The following KCNA7 variants were observed in gnomAD, a reference collection of about 807,000 sequenced individuals.
KCNA7 encodes potassium channel, voltage gated shaker related subfamily A, member 7.
Under a neutral mutation model 21.5 loss-of-function variants are expected in KCNA7, and 15 were observed. That is an observed-to-expected ratio of 0.70 (90% CI 0.47 to 1.07). KCNA7 has a LOEUF of 1.07. Among genes scored for constraint, KCNA7 ranks in the 50% least tolerant of loss-of-function variants. The pLI, the probability that KCNA7 is intolerant of heterozygous loss-of-function variation, is 0.00. For synonymous variants in KCNA7, 298 were observed against 291.0 expected, an observed-to-expected ratio of 1.02 and a Z score of -0.24; for missense variants, 640 against 651.6, an observed-to-expected ratio of 0.98 and a Z score of 0.19.
At position 49,072,667 on chromosome 19, in the gene KCNA7, GGCCGCC is replaced by G. The variant is rs566342074; in HGVS notation, c.-88_-83del. The G allele has an allele frequency of 3.4e-5, 31 of 915,184 alleles. 1 individual carries two copies. The highest frequency in any genetic ancestry group is 3.5e-5 in the Non-Finnish European group (27 of 766,846). The allele number at this position is 915,184 out of a possible 1,614,324, so 56.7% of individuals were successfully genotyped here. On this transcript the variant is annotated 5_prime_UTR_variant, in exon 1 of 2. Transcript: ENST00000221444. ...GGTGCGGCCCCGCCTCGGCCGCCTC[GGCCGCC>G]GCCGCCGCCGCCCCAGCCCGGTGTC...
intron 1 of KCNA7, 100 bp downstream of exon 1, chr19:49,071,931 C>G: frequency 8.7e-7 from 1 of 1,153,830 alleles, no homozygotes; most frequent in Non-Finnish European, 1.2e-6. Context: ...GCCCACCCCT[C>G]GCAGCCCCTG....
intron 1 of KCNA7, 30 bp downstream of exon 1, chr19:49,072,001 G>T: frequency 1.2e-5 from 16 of 1,316,130 alleles, no homozygotes; most frequent in Non-Finnish European, 1.6e-5. Context: ...CCCAAACCCC[G>T]CCCGTCTCCA....
In KCNA7 at chr19:49,072,057, G is replaced by T. The variant is rs750629552; in HGVS notation, c.529C>A (p.Leu177Ile). Residue 177 changes from leucine (L) to isoleucine (I), a missense_variant, in exon 1 of 2, where the codon CTT becomes ATT. Coordinates refer to ENST00000221444, the MANE Select transcript of KCNA7 (RefSeq NM_031886.3). ...GGGCCGGCTGCGGCTGCAGCAGCAAGCCCCGTGCCGTCGCGGTCGTCGCGG... is the reference window on the plus strand; with the variant it reads ...GGGCCGGCTGCGGCTGCAGCAGCAATCCCCGTGCCGTCGCGGTCGTCGCGG... ...DFRDDRDGTG[L>I]AAAAAAGPFP... The T allele has an allele frequency of 3.1e-6, 5 of 1,607,358 alleles. No homozygotes were observed. Among genetic ancestry groups the T allele is most frequent in the South Asian group, 2.2e-5 (2 of 90,676 alleles).
chr19:49,071,276 G>T (rs1344301315), intron 1 of KCNA7, among the ~76,000 whole-genome samples: 1 of 152,052 alleles, frequency 6.6e-6, no homozygotes, highest in Non-Finnish European at 1.5e-5. Context: ...AGTATAATGC[G>T]GCTGGGCGCG....
rs2040227719 is a variant in KCNA7 at position 49,067,842 on chromosome 19, A to G, written c.*2221T>C. On this transcript the variant is annotated 3_prime_UTR_variant, in exon 2 of 2. Coordinates refer to ENST00000221444, the MANE Select transcript of KCNA7 (RefSeq NM_031886.3). ...TCAGGATTGTTCTGTGATTCTATGGAATAGACTGTACATCACTCTTGGGTT... is the reference window on the plus strand; with the variant it reads ...TCAGGATTGTTCTGTGATTCTATGGGATAGACTGTACATCACTCTTGGGTT... 1 of 152,192 alleles carries G rather than the reference A, an allele frequency of 6.6e-6. No individual in the cohort carries two copies. The highest frequency in any genetic ancestry group is 2.4e-5 in the African/African-American group (1 of 41,394). The allele number at this position is 152,192 out of a possible 1,614,324, so 9.4% of individuals were successfully genotyped here. A position where few individuals can be genotyped will look rare whatever the true frequency, so the allele number is the denominator to read the frequency against.
At position 49,070,206 on chromosome 19, in the gene KCNA7, C is replaced by T. The variant is rs1164877887; in HGVS notation, c.1228G>A (p.Ala410Thr). The T allele has an allele frequency of 6.2e-7, 1 of 1,614,214 alleles. No individual in the cohort carries two copies. Among genetic ancestry groups the T allele is most frequent in the Non-Finnish European group, 8.5e-7 (1 of 1,180,050 alleles). Reference sequence around the variant, plus strand: ...ATGTCCACATGGCTGAACATCCCAGCCTCTTCGCCCTCTGTCTCCCGGTGA... The same window carrying T: ...ATGTCCACATGGCTGAACATCCCAGTCTCTTCGCCCTCTGTCTCCCGGTGA... Reference protein sequence around the residue: ...FYHRETEGEEAGMFSHVDMQP... With the variant: ...FYHRETEGEETGMFSHVDMQP... Residue 410 changes from alanine (A) to threonine (T), a missense_variant, in exon 2 of 2, where the codon GCT becomes ACT. By Grantham distance (58) the Ala-to-Thr change is moderately conservative. Coordinates refer to ENST00000221444, the MANE Select transcript of KCNA7 (RefSeq NM_031886.3). The surrounding 1 kb of genome is among the most constrained non-coding windows in gnomAD (Gnocchi z 4.3).
rs1253127104 is a variant in KCNA7 at position 49,070,048 on chromosome 19, G to C, written c.*15C>G. ...CTCTAGGGAGGTGTGAGGTCCTGCA[G>C]ACCTCAACTGTTCCTCACACTTCGG... On this transcript the variant is annotated 3_prime_UTR_variant, in exon 2 of 2. Transcript: ENST00000221444. This position sits in a 1 kb window ranked among gnomAD's most constrained non-coding sequence, Gnocchi z 4.3. The C allele has an allele frequency of 6.3e-7, 1 of 1,580,434 alleles. No homozygotes were observed. Among genetic ancestry groups the C allele is most frequent in the Non-Finnish European group, 8.6e-7 (1 of 1,158,684 alleles).
In KCNA7 at chr19:49,067,399, T is replaced by C. The variant is rs2040224723; in HGVS notation, c.*2664A>G. The C allele has an allele frequency of 6.6e-6, 1 of 152,244 alleles. No homozygotes were observed. Among genetic ancestry groups the C allele is most frequent in the South Asian group, 2.1e-4 (1 of 4,834 alleles). The allele number at this position is 152,244 out of a possible 1,614,324, so 9.4% of individuals were successfully genotyped here. A position where few individuals can be genotyped will look rare whatever the true frequency, so the allele number is the denominator to read the frequency against. ...GGCTAAAAATAACAACAACAGTCTG[T>C]AAACCACTGGATAGGTTTTAATAAA... On this transcript the variant is annotated 3_prime_UTR_variant, in exon 2 of 2. Transcript: ENST00000221444.
rs777013850 is a variant in KCNA7, at chr19:49,072,538, C to T, written c.48G>A (p.Val16=). 7.1e-7 allele frequency: 1 copy of T among 1,418,276 alleles called. No individual in the cohort carries two copies. The highest frequency in any genetic ancestry group is 9.2e-7 in the Non-Finnish European group (1 of 1,092,888). 87.9% of individuals were successfully genotyped at this position (1,418,276 alleles called of 1,614,324 possible). The change falls in exon 1 of 2, where the codon GTG becomes GTA. Residue 16 remains valine, a synonymous_variant. Coordinates refer to ENST00000221444, the MANE Select transcript of KCNA7 (RefSeq NM_031886.3). ...CGAAGCGCAGCCCGGCCACGTTGAG[C>T]ACCAGCCGCTCGCAGCAGCCGCACG... ...PPPCGCCERL[V]LNVAGLRFET...
In KCNA7 at chr19:49,072,361, A is replaced by G. The variant is rs71352730; in HGVS notation, c.225T>C (p.Gly75=). The G allele has an allele frequency of 0.11, 167,732 of 1,592,674 alleles. 10,085 individuals carry two copies. Among genetic ancestry groups the G allele is most frequent in the African/African-American group, 0.26 (18,837 of 72,982 alleles). The stretch of plus-strand genomic sequence containing the variant: ...CGTGCGCCGGCCGCCGCAGCCGCCC[A>G]CCGGACTGGTAGTAGTAGAGCACGG... ...FDAVLYYYQS[G]GRLRRPAHVP... is the part of the protein sequence containing the mutation. The change falls in exon 1 of 2, where the codon GGT becomes GGC. Residue 75 remains glycine, a synonymous_variant. Coordinates refer to ENST00000221444, the MANE Select transcript of KCNA7 (RefSeq NM_031886.3).
Position 49,069,540 on chromosome 19 carries a change from C to T in KCNA7, c.*523G>A, listed in dbSNP as rs999413664. ...TAAAATAACATGCCCCTGGAAGAAT[C>T]ACAGAGCTACACAATTTCCACCATG... is the stretch of plus-strand genomic sequence containing the variant. On this transcript the variant is annotated 3_prime_UTR_variant, in exon 2 of 2. Coordinates refer to ENST00000221444, the MANE Select transcript of KCNA7 (RefSeq NM_031886.3). 6.5e-6 allele frequency: 1 copy of T among 153,588 alleles called. No homozygotes were observed. The highest frequency in any genetic ancestry group is 2.4e-5 in the African/African-American group (1 of 41,446). The allele number at this position is 153,588 out of a possible 1,614,324, so 9.5% of individuals were successfully genotyped here. A position where few individuals can be genotyped will look rare whatever the true frequency, so the allele number is the denominator to read the frequency against.
chr19:49,070,095 G>A lies in KCNA7; in HGVS notation c.1339C>T (p.Pro447Ser), dbSNP rs1288515625. The A allele has an allele frequency of 4.4e-6, 7 of 1,606,652 alleles. No homozygotes were observed. The highest frequency in any genetic ancestry group is 5.9e-6 in the Non-Finnish European group (7 of 1,177,366). Residue 447 changes from proline to serine, a missense_variant, in exon 2 of 2, where the codon CCC becomes TCC. By Grantham distance (74) the Pro-to-Ser change is moderately conservative. Transcript: ENST00000221444. The surrounding 1 kb of genome is among the most constrained non-coding windows in gnomAD (Gnocchi z 4.3). The part of the protein sequence containing the change: ...VPELPPPLWA[P>S]PGKHLVTEV ...TCGGTGACCAGGTGTTTCCCTGGGG[G>A]TGCCCAGAGTGGAGGTGGTAGCTCA...
Position 49,069,236 on chromosome 19 carries a change from A to T in KCNA7, c.*827T>A, listed in dbSNP as rs1384128735. ...CCTGTAGGACTCACATAGTGACACA[A>T]CTCAATGGAACTCAATTCAGCATGG... is the stretch of plus-strand genomic sequence containing the variant. On this transcript the variant is annotated 3_prime_UTR_variant, in exon 2 of 2. Transcript: ENST00000221444. 1 of 152,160 alleles carries T rather than the reference A, an allele frequency of 6.6e-6. No homozygotes were observed. Among genetic ancestry groups the T allele is most frequent in the African/African-American group, 2.4e-5 (1 of 41,412 alleles). 9.4% of individuals were successfully genotyped at this position (152,160 alleles called of 1,614,324 possible).
rs1239018197 is a variant in KCNA7 at position 49,070,182 on chromosome 19, T to C, written c.1252A>G (p.Met418Val). 1 of 1,614,064 alleles carries C rather than the reference T, an allele frequency of 6.2e-7. No individual in the cohort carries two copies. Among genetic ancestry groups the C allele is most frequent in the Admixed American group, 1.7e-5 (1 of 60,000 alleles). Reference sequence around the variant, plus strand: ...CCCTCCAGTGGGCCACAAGGCTGCATGTCCACATGGCTGAACATCCCAGCC... The same window carrying C: ...CCCTCCAGTGGGCCACAAGGCTGCACGTCCACATGGCTGAACATCCCAGCC... ...EEAGMFSHVD[M>V]QPCGPLEGKA... Residue 418 changes from methionine (M) to valine (V), a missense_variant, in exon 2 of 2, where the codon ATG becomes GTG. Coordinates refer to ENST00000221444, the MANE Select transcript of KCNA7 (RefSeq NM_031886.3). This position sits in a 1 kb window ranked among gnomAD's most constrained non-coding sequence, Gnocchi z 4.3.
rs1343331789 is a variant in KCNA7, at chr19:49,070,140, GCCC to G, written c.1291_1293del (p.Gly431del). The G allele has an allele frequency of 6.2e-7, 1 of 1,613,600 alleles. No homozygotes were observed. The highest frequency in any genetic ancestry group is 1.1e-5 in the South Asian group (1 of 91,062). On this transcript the variant is annotated inframe_deletion, in exon 2 of 2. Coordinates refer to ENST00000221444, the MANE Select transcript of KCNA7 (RefSeq NM_031886.3). The surrounding 1 kb of genome is among the most constrained non-coding windows in gnomAD (Gnocchi z 4.3). ...AGCTCAGGTACCTCCCCGTCCACCA[GCCC>G]CCCATTGGCCTTGCCCTCCAGTGGG...
In KCNA7 at chr19:49,069,869, C is replaced by T. The variant is rs2040243687; in HGVS notation, c.*194G>A. ...CAACACAACCCATTGCCATTCGCTG[C>T]TGCTTCAGGAGGTACCCACAGGAGC... On this transcript the variant is annotated 3_prime_UTR_variant, in exon 2 of 2. Coordinates refer to ENST00000221444, the MANE Select transcript of KCNA7 (RefSeq NM_031886.3). 6.9e-6 allele frequency: 4 copies of T among 581,382 alleles called. No individual in the cohort carries two copies. In the South Asian group the frequency reaches 8.7e-5, roughly 13 times the overall value. 36.0% of individuals were successfully genotyped at this position (581,382 alleles called of 1,614,324 possible). A position where few individuals can be genotyped will look rare whatever the true frequency, so the allele number is the denominator to read the frequency against.
chr19:49,069,793 T>A lies in KCNA7; in HGVS notation c.*270A>T, dbSNP rs1346200185. On this transcript the variant is annotated 3_prime_UTR_variant, in exon 2 of 2. Coordinates refer to ENST00000221444, the MANE Select transcript of KCNA7 (RefSeq NM_031886.3). The stretch of plus-strand genomic sequence containing the variant: ...CTCAACACTACCCCAAAAGGCTCCA[T>A]GAGCTTTGCACAACTCAGAGTAATA... 2.2e-6 allele frequency: 1 copy of A among 450,974 alleles called. No individual in the cohort carries two copies. Among genetic ancestry groups the A allele is most frequent in the Non-Finnish European group, 4.0e-6 (1 of 252,010 alleles). The allele number at this position is 450,974 out of a possible 1,614,324, so 27.9% of individuals were successfully genotyped here. A position where few individuals can be genotyped will look rare whatever the true frequency, so the allele number is the denominator to read the frequency against.
In KCNA7 at chr19:49,070,213, G is replaced by A. The variant is rs756018142; in HGVS notation, c.1221C>T (p.Gly407=). The A allele has an allele frequency of 1.6e-4, 251 of 1,614,046 alleles. 1 individual carries two copies. The highest frequency in any genetic ancestry group is 2.0e-4 in the Non-Finnish European group (239 of 1,180,050). Residue 407 remains glycine (G), a synonymous_variant, in exon 2 of 2, where the codon GGC becomes GGT. Transcript: ENST00000221444. The surrounding 1 kb of genome is among the most constrained non-coding windows in gnomAD (Gnocchi z 4.3). ...FSYFYHRETE[G]EEAGMFSHVD... ...CATGGCTGAACATCCCAGCCTCTTC[G>A]CCCTCTGTCTCCCGGTGATAAAAGT... is the stretch of plus-strand genomic sequence containing the variant.
chr19:49,070,257 T>A lies in KCNA7; in HGVS notation c.1177A>T (p.Ile393Phe), dbSNP rs1220514641. 6.2e-7 allele frequency: 1 copy of A among 1,614,156 alleles called. No individual in the cohort carries two copies. ...TAAAAGTAGCTGAAATTGGAGACAA[T>A]GACGGGCACTGGCAGGGAAATAGTC... ...VLTISLPVPV[I>F]VSNFSYFYHR... The change falls in exon 2 of 2, where the codon ATT becomes TTT. Residue 393 changes from isoleucine (I) to phenylalanine (F), a missense_variant. Coordinates refer to ENST00000221444, the MANE Select transcript of KCNA7 (RefSeq NM_031886.3). The surrounding 1 kb of genome is among the most constrained non-coding windows in gnomAD (Gnocchi z 4.3).
Sources: gnomAD v4.1 joint callset for allele counts (sites outside exome capture counted in the v4.1 genomes callset) on GRCh38, gnomAD v4.1.1 for gene constraint, Gnocchi (gnomAD v3.1) non-coding constraint, MANE v1.5 for transcripts, NCBI Gene and HGNC (gene_info 2026-07-23, HGNC 2026-07-21) for gene names.